PLXDC2: variants seen among roughly 807,000 people sequenced by gnomAD.
The protein encoded by PLXDC2 is plexin domain containing 2.
In PLXDC2, 40 loss-of-function variants were observed where a neutral mutation model predicts 68.9. That is an observed-to-expected ratio of 0.58 (90% CI 0.45 to 0.76). The LOEUF (loss-of-function observed/expected upper bound fraction) is 0.76. Among genes scored for constraint, PLXDC2 ranks in the 30% least tolerant of loss-of-function variants. The pLI is 0.00. For missense variants in PLXDC2, 644 were observed against 661.9 expected (o/e 0.97, Z 0.30); for synonymous variants, 243 against 234.2 (o/e 1.04, Z -0.34).
intron 2 of PLXDC2, among the ~76,000 whole-genome samples, chr10:20,003,684 G>A (rs1220893040): frequency 6.6e-6 from 1 of 152,070 alleles, no homozygotes; most frequent in Non-Finnish European, 1.5e-5. Context: ...AACCTGCCTC[G>A]GCCTCCTAAA....
At chr10:20,200,850 A>T (rs904346243) in intron 9 of PLXDC2, among the ~76,000 whole-genome samples, 6 of 152,054 alleles carry the variant, frequency 3.9e-5, no homozygotes, top group Non-Finnish European at 2.9e-5. Flanking sequence ...CAGTTAGAGT[A>T]GCTATCATCA....
chr10:20,068,023 C>G (rs369904664), intron 3 of PLXDC2, 147 bp from the exon 4 acceptor site: 1 of 585,300 alleles, frequency 1.7e-6, no homozygotes, highest in South Asian at 2.8e-5. Flanking sequence ...TTCTTTAGTA[C>G]GACCGAGGAC....
intron 1 of PLXDC2, among the ~76,000 whole-genome samples, chr10:19,951,982 C>T (rs538372637): frequency 6.6e-6 from 1 of 152,030 alleles, no homozygotes; most frequent in African/African-American, 2.4e-5. Flanking sequence ...ACAGTAGACA[C>T]AGGAGACTAC....
chr10:20,014,784 T>C (rs1474501773), intron 2 of PLXDC2, among the ~76,000 whole-genome samples: 1 of 152,174 alleles, frequency 6.6e-6, no homozygotes, highest in Non-Finnish European at 1.5e-5. Flanking sequence ...ATCTCTTATC[T>C]TGTTACTAAA....
intron 13 of PLXDC2, among the ~76,000 whole-genome samples, chr10:20,255,642 T>A (rs1835733189): frequency 6.6e-6 from 1 of 152,138 alleles, no homozygotes. Flanking sequence ...CTAAATTAGT[T>A]TATTATTACG....
intron 10 of PLXDC2, among the ~76,000 whole-genome samples, chr10:20,213,675 C>G (rs1835099360): frequency 6.6e-6 from 1 of 152,022 alleles, no homozygotes; most frequent in Non-Finnish European, 1.5e-5. Flanking sequence ...GACTTCTAGA[C>G]TAATTGAGTC....
rs150920707 is a variant in PLXDC2 at position 19,944,876 on chromosome 10, C to T, written c.113-56899C>T. ...CTGAGGCAGGAGAAGTGTTTGAACCCGGAAGGCGGAGGTTGCAGTGAGCTG... is the reference window on the plus strand; with the variant it reads ...CTGAGGCAGGAGAAGTGTTTGAACCTGGAAGGCGGAGGTTGCAGTGAGCTG... On this transcript the variant is annotated intron_variant, in intron 1 of 13. Coordinates refer to ENST00000377252, the MANE Select transcript of PLXDC2 (RefSeq NM_032812.9). Among the ~76,000 whole-genome samples the T allele has an allele frequency of 3.3e-4, 50 of 152,274 alleles. 1 individual carries two copies. In the East Asian group the frequency reaches 5.6e-3, roughly 17 times the overall value.
At chr10:19,941,498 G>T (rs979894233) in intron 1 of PLXDC2, among the ~76,000 whole-genome samples, 8 of 152,154 alleles carry the variant, frequency 5.3e-5, no homozygotes, top group African/African-American at 1.9e-4. Context: ...TGGCTTCCAA[G>T]GTCTGGGTGC....
At chr10:20,124,388 C>T (rs933819868) in intron 4 of PLXDC2, among the ~76,000 whole-genome samples, 15 of 152,186 alleles carry the variant, frequency 9.9e-5, no homozygotes, top group East Asian at 1.9e-4. Flanking sequence ...GCCGCTCACC[C>T]GATTTAAAAT....
chr10:19,861,815 G>A (rs1484403435), intron 1 of PLXDC2, among the ~76,000 whole-genome samples: 4 of 152,134 alleles, frequency 2.6e-5, no homozygotes, highest in Non-Finnish European at 5.9e-5. Context: ...TTGGCTTCAT[G>A]CTAATATCTC....
chr10:19,971,970 A>AG (rs1177397656), intron 1 of PLXDC2, among the ~76,000 whole-genome samples: 1 of 152,126 alleles, frequency 6.6e-6, no homozygotes, highest in Non-Finnish European at 1.5e-5. Flanking sequence ...GAGAGATCCT[A>AG]GGAACAGGGA....
intron 2 of PLXDC2, among the ~76,000 whole-genome samples, chr10:20,017,899 T>A (rs939900904): frequency 2.0e-5 from 3 of 152,202 alleles, no homozygotes; most frequent in Non-Finnish European, 4.4e-5. Context: ...AGGTTTTCTT[T>A]CTGGATGCAG....
At chr10:20,162,373 G>T (rs1327388636) in intron 6 of PLXDC2, among the ~76,000 whole-genome samples, 1 of 152,076 alleles carries the variant, frequency 6.6e-6, no homozygotes, top group Non-Finnish European at 1.5e-5. Flanking sequence ...GGGAAAAGAA[G>T]ACAAGCAATA....
At chr10:20,270,953 A>C (rs1195887889) in intron 13 of PLXDC2, among the ~76,000 whole-genome samples, 1 of 110,922 alleles carries the variant, frequency 9.0e-6, no homozygotes, top group Non-Finnish European at 1.8e-5. Flanking sequence ...AAAAAAAAAA[A>C]ACTGGAAAAA....
At chr10:19,966,277 ATG>A (rs1377659120) in intron 1 of PLXDC2, among the ~76,000 whole-genome samples, 1 of 146,680 alleles carries the variant, frequency 6.8e-6, no homozygotes, top group Non-Finnish European at 1.5e-5. Flanking sequence ...GTACACATAT[ATG>A]TGTATATATA....
chr10:20,256,975 G>A (rs1835750492), intron 13 of PLXDC2, among the ~76,000 whole-genome samples: 1 of 152,180 alleles, frequency 6.6e-6, no homozygotes, highest in African/African-American at 2.4e-5. Flanking sequence ...TACTTTTAGA[G>A]GATCGTAGCC....
At chr10:20,135,619 A>G (rs138975914) in intron 4 of PLXDC2, among the ~76,000 whole-genome samples, 14 of 152,234 alleles carry the variant, frequency 9.2e-5, no homozygotes, top group African/African-American at 2.9e-4. Context: ...CCCTCTTCAT[A>G]TACACATTTC....
chr10:20,071,086 A>G (rs1356277547), intron 4 of PLXDC2: 1 of 152,224 alleles, frequency 6.6e-6, no homozygotes, highest in African/African-American at 2.4e-5. Flanking sequence ...CGCAACTTGC[A>G]TATAACAATC....
intron 4 of PLXDC2, among the ~76,000 whole-genome samples, chr10:20,134,505 C>A (rs1165480663): frequency 1.3e-5 from 2 of 152,156 alleles, no homozygotes; most frequent in Admixed American, 1.3e-4. Context: ...CCTGGGTCCA[C>A]AGGAGCTAAC....
Sources: allele counts gnomAD v4.1 joint callset (sites outside exome capture counted in the v4.1 genomes callset), GRCh38; gene constraint gnomAD v4.1.1; transcripts MANE v1.5; gene names NCBI Gene and HGNC (gene_info 2026-07-23, HGNC 2026-07-21).